Variants in CCDC61 observed in about 807,000 individuals in gnomAD.
The protein encoded by CCDC61 is coiled-coil domain containing 61, also known as centrosomal protein CCDC61.
Under a neutral mutation model 63.0 loss-of-function variants are expected in CCDC61, and 55 were observed. That is an observed-to-expected ratio of 0.87 (90% CI 0.70 to 1.09). The LOEUF (loss-of-function observed/expected upper bound fraction) is 1.09, where lower values mean the gene tolerates loss of function less well. Among genes scored for constraint, CCDC61 ranks in the 50% least tolerant of loss-of-function variants. CCDC61 has a pLI of 0.00. For missense variants in CCDC61, 651 were observed against 731.4 expected (o/e 0.89, Z 1.27); for synonymous variants, 270 against 317.0 (o/e 0.85, Z 1.58).
intron 1 of CCDC61, among the ~76,000 whole-genome samples, chr19:46,002,285 A>G (rs62113438): frequency 0.2 from 30,144 of 151,808 alleles, 3,569 homozygotes; most frequent in East Asian, 0.54. Context: ...TCCTACTCCA[A>G]TACCCCCGTC....
At chr19:45,998,090 A>G (rs571190471) in intron 1 of CCDC61, among the ~76,000 whole-genome samples, 17 of 152,212 alleles carry the variant, frequency 1.1e-4, no homozygotes, top group Non-Finnish European at 2.5e-4. Flanking sequence ...AGAAGAGCAC[A>G]TGGTGTTTAA....
rs1273494237 is a variant in CCDC61, at chr19:46,015,282, G to A, written c.762+23G>A. On this transcript the variant is annotated intron_variant, in intron 6 of 13. Coordinates refer to ENST00000595358, the MANE Select transcript of CCDC61 (RefSeq NM_001267723.2). This position sits in a 1 kb window ranked among gnomAD's most constrained non-coding sequence, Gnocchi z 5.3. The stretch of plus-strand genomic sequence containing the variant: ...GAGGTGAGCAGCGGGGGCCCGGGGC[G>A]GCCAGCGAGGCGCGGACCTCGGCCT... 7.8e-6 allele frequency: 12 copies of A among 1,541,842 alleles called. No individual in the cohort carries two copies. In the African/African-American group the frequency reaches 1.7e-4, roughly 21 times the overall value.
chr19:45,995,513 C>T lies in CCDC61; in HGVS notation c.-12+9C>T, dbSNP rs780711440. The T allele has an allele frequency of 1.9e-6, 1 of 523,610 alleles. No individual in the cohort carries two copies. Among genetic ancestry groups the T allele is most frequent in the South Asian group, 1.4e-5 (1 of 69,906 alleles). 32.4% of individuals were successfully genotyped at this position (523,610 alleles called of 1,614,324 possible). A position where few individuals can be genotyped will look rare whatever the true frequency, so the allele number is the denominator to read the frequency against. On this transcript the variant is annotated intron_variant, in intron 1 of 13. Coordinates refer to ENST00000595358, the MANE Select transcript of CCDC61 (RefSeq NM_001267723.2). ...GGTTGCTAGTGGAGAAGGTGAGAGG[C>T]CGCGGGAGTGGCGGTTGCGCGGGCC...
At chr19:46,005,203 T>C (rs1471898330) in intron 3 of CCDC61, among the ~76,000 whole-genome samples, 1 of 151,866 alleles carries the variant, frequency 6.6e-6, no homozygotes, top group African/African-American at 2.4e-5. Flanking sequence ...AGAGACGGGG[T>C]TTTGCCATCT....
At position 46,016,909 on chromosome 19, in the gene CCDC61, A is replaced by AGGGC; in HGVS notation, c.1232-73_1232-70dup. 2 of 231,804 alleles carry AGGGC rather than the reference A, an allele frequency of 8.6e-6. No individual in the cohort carries two copies. The highest frequency in any genetic ancestry group is 1.7e-5 in the Non-Finnish European group (2 of 115,866). The allele number at this position is 231,804 out of a possible 1,614,324, so 14.4% of individuals were successfully genotyped here. ...CTGGGCGGGCTGGGAGGCACTGGGC[A>AGGGC]GGGCGGGCGGGCTGGGAGGGCCTGG... On this transcript the variant is annotated intron_variant, in intron 10 of 13. Coordinates refer to ENST00000595358, the MANE Select transcript of CCDC61 (RefSeq NM_001267723.2). The surrounding 1 kb of genome is among the most constrained non-coding windows in gnomAD (Gnocchi z 7.2).
chr19:45,996,625 CG>C (rs1293653744), intron 1 of CCDC61, among the ~76,000 whole-genome samples: 1 of 152,140 alleles, frequency 6.6e-6, no homozygotes, highest in Non-Finnish European at 1.5e-5. Flanking sequence ...GTCTTGAACT[CG>C]TGACCTCAGG....
At chr19:46,004,952 C>T (rs1425006240) in intron 3 of CCDC61, among the ~76,000 whole-genome samples, 1 of 148,562 alleles carries the variant, frequency 6.7e-6, no homozygotes, top group Non-Finnish European at 1.5e-5. Flanking sequence ...GATTCTCATG[C>T]CTCAGCCTCC....
intron 1 of CCDC61, chr19:46,000,123 G>C: frequency 1.1e-6 from 1 of 942,038 alleles, no homozygotes; most frequent in Non-Finnish European, 1.3e-6. Flanking sequence ...CCTAGAAGTG[G>C]CGGTGGTGGT....
chr19:46,000,125 G>A lies in CCDC61; in HGVS notation c.-11-2883G>A, dbSNP rs112047625. 25 of 917,858 alleles carry A rather than the reference G, an allele frequency of 2.7e-5. No homozygotes were observed. In the African/African-American group the frequency reaches 2.9e-4, roughly 11 times the overall value. The allele number at this position is 917,858 out of a possible 1,614,324, so 56.9% of individuals were successfully genotyped here. Reference sequence around the variant, plus strand: ...GGGTCCGGGGAATCCTAGAAGTGGCGGTGGTGGTGGGGTCAGTGGAGAGGA... The same window carrying A: ...GGGTCCGGGGAATCCTAGAAGTGGCAGTGGTGGTGGGGTCAGTGGAGAGGA... On this transcript the variant is annotated intron_variant, in intron 1 of 13. Transcript: ENST00000595358.
intron 3 of CCDC61, 91 bp downstream of exon 3, chr19:46,003,592 C>T (rs1357417033): frequency 1.7e-5 from 13 of 763,902 alleles, no homozygotes; most frequent in Non-Finnish European, 2.3e-5. Context: ...ATGTAAGACC[C>T]TCTACCTTCT....
chr19:46,009,925 G>T (rs1010693), intron 5 of CCDC61, among the ~76,000 whole-genome samples: 43,595 of 152,042 alleles, frequency 0.29, 6,549 homozygotes, highest in African/African-American at 0.34. Flanking sequence ...GGCCACAAGG[G>T]GGCGCCCTCC....
Position 46,018,062 on chromosome 19 carries a change from C to T in CCDC61, c.1369-16C>T. 6.2e-7 allele frequency: 1 copy of T among 1,603,126 alleles called. No individual in the cohort carries two copies. The highest frequency in any genetic ancestry group is 8.5e-7 in the Non-Finnish European group (1 of 1,174,980). On this transcript the variant is annotated splice_polypyrimidine_tract_variant and intron_variant, in intron 12 of 13. Coordinates refer to ENST00000595358, the MANE Select transcript of CCDC61 (RefSeq NM_001267723.2). This position sits in a 1 kb window ranked among gnomAD's most constrained non-coding sequence, Gnocchi z 4.2. ...GGACGGTGGGTGACCCCCTTTCCTA[C>T]CTTCCCCATCACCAGAAGTCTCCCC...
intron 1 of CCDC61, chr19:45,996,442 T>TC (rs1968493756): frequency 6.6e-6 from 1 of 151,776 alleles, no homozygotes; most frequent in South Asian, 2.1e-4. Flanking sequence ...TTTTTTTTTT[T>TC]TTTTGAGACA....
Position 46,015,140 on chromosome 19 carries a change from G to A in CCDC61, c.643G>A (p.Glu215Lys), listed in dbSNP as rs1182550422. 3 of 1,274,442 alleles carry A rather than the reference G, an allele frequency of 2.4e-6. No homozygotes were observed. The African/African-American group carries it at 4.7e-5, about 20-fold the overall frequency. The allele number at this position is 1,274,442 out of a possible 1,614,324, so 78.9% of individuals were successfully genotyped here. The part of the protein sequence containing the change: ...EALAGRAARQ[E>K]AEALRGLVRG... ...GCTGGCCGGGCGCGCGGCACGCCAG[G>A]AGGCCGAGGCGCTGCGCGGGCTGGT... The change falls in exon 6 of 14, where the codon GAG (glutamate) becomes AAG (lysine). Residue 215 changes from glutamate (E) to lysine (K), a missense_variant. By Grantham distance (56) the Glu-to-Lys change is moderately conservative. Transcript: ENST00000595358. The surrounding 1 kb of genome is among the most constrained non-coding windows in gnomAD (Gnocchi z 5.3).
chr19:46,018,446 G>T lies in CCDC61; in HGVS notation c.*59G>T. 7.0e-7 allele frequency: 1 copy of T among 1,431,606 alleles called. No individual in the cohort carries two copies. Among genetic ancestry groups the T allele is most frequent in the Non-Finnish European group, 9.6e-7 (1 of 1,043,922 alleles). The allele number at this position is 1,431,606 out of a possible 1,614,324, so 88.7% of individuals were successfully genotyped here. A position where few individuals can be genotyped will look rare whatever the true frequency, so the allele number is the denominator to read the frequency against. On this transcript the variant is annotated 3_prime_UTR_variant, in exon 14 of 14. Transcript: ENST00000595358. The surrounding 1 kb of genome is among the most constrained non-coding windows in gnomAD (Gnocchi z 4.2). ...CCCACTTGCTGGGTATGGTGTGGGGGGTGGGGCCAGGGTGGCCTCCAGCCC... is the reference window on the plus strand; with the variant it reads ...CCCACTTGCTGGGTATGGTGTGGGGTGTGGGGCCAGGGTGGCCTCCAGCCC...
chr19:46,006,553 TG>T lies in CCDC61; in HGVS notation c.232-5del. 1 of 1,535,500 alleles carries T rather than the reference TG, an allele frequency of 6.5e-7. No individual in the cohort carries two copies. The highest frequency in any genetic ancestry group is 1.2e-5 in the South Asian group (1 of 81,610). On this transcript the variant is annotated splice_polypyrimidine_tract_variant and splice_region_variant and intron_variant, in intron 3 of 13. Coordinates refer to ENST00000595358, the MANE Select transcript of CCDC61 (RefSeq NM_001267723.2). The stretch of plus-strand genomic sequence containing the variant: ...TGTGGCAGCTCCTCCTCTCCTCTCC[TG>T]ACAGAGTAGTGAGTCAGTCACCCTG...
chr19:46,006,017 G>A lies in CCDC61; in HGVS notation c.232-542G>A, dbSNP rs75326897. ...TTTACTGCTTCATCAAGAACATTCCGATGTTTCATTTCCTGTGTTTTATGG... is the reference window on the plus strand; with the variant it reads ...TTTACTGCTTCATCAAGAACATTCCAATGTTTCATTTCCTGTGTTTTATGG... On this transcript the variant is annotated intron_variant, in intron 3 of 13. Coordinates refer to ENST00000595358, the MANE Select transcript of CCDC61 (RefSeq NM_001267723.2). Among the ~76,000 whole-genome samples, 363 of 152,154 alleles carry A rather than the reference G, an allele frequency of 2.4e-3. 3 individuals are homozygous for A. Among genetic ancestry groups the A allele is most frequent in the Admixed American group, 6.1e-3 (93 of 15,264 alleles).
chr19:46,014,597 A>G (rs372392078), intron 5 of CCDC61, among the ~76,000 whole-genome samples: 1 of 152,314 alleles, frequency 6.6e-6, no homozygotes, highest in Non-Finnish European at 1.5e-5. Context: ...CATTTTCTCA[A>G]GGAAGGGTTT....
chr19:46,000,821 G>A (rs1209579043), intron 1 of CCDC61, among the ~76,000 whole-genome samples: 1 of 151,660 alleles, frequency 6.6e-6, no homozygotes, highest in Admixed American at 6.6e-5. Context: ...TCAGGGCGGG[G>A]TGGGGGCTAA....
Sources: allele counts gnomAD v4.1 joint callset (sites outside exome capture counted in the v4.1 genomes callset), GRCh38; gene constraint gnomAD v4.1.1; non-coding constraint Gnocchi (gnomAD v3.1); transcripts MANE v1.5; gene names NCBI Gene and HGNC (gene_info 2026-07-23, HGNC 2026-07-21).